Variants in TRAPPC8 observed in about 807,000 individuals in gnomAD.
TRAPPC8 encodes general sporulation gene 1 homolog.
In TRAPPC8, 54 loss-of-function variants were observed where a neutral mutation model predicts 174.3. The ratio of observed to expected loss-of-function variants is 0.31; its 90% confidence interval spans 0.25 to 0.39. The LOEUF (loss-of-function observed/expected upper bound fraction) is 0.39. Ranked by LOEUF, TRAPPC8 falls within the 10% of genes least tolerant of loss-of-function variation. The pLI is 1.00. For synonymous variants in TRAPPC8, 630 were observed against 579.9 expected, an observed-to-expected ratio of 1.09 and a Z score of -1.24; for missense variants, 1,531 against 1,699.1, an observed-to-expected ratio of 0.90 and a Z score of 1.74.
At chr18:31,915,707 A>G (rs2037109797) in intron 4 of TRAPPC8, among the ~76,000 whole-genome samples, 1 of 147,740 alleles carries the variant, frequency 6.8e-6, no homozygotes, top group Non-Finnish European at 1.5e-5. Flanking sequence ...CCATGGTGAA[A>G]CCCCGTCTCT....
intron 21 of TRAPPC8, among the ~76,000 whole-genome samples, chr18:31,855,051 A>C (rs1403825778): frequency 1.3e-5 from 2 of 151,702 alleles, no homozygotes; most frequent in African/African-American, 2.4e-5. Flanking sequence ...AATACAAAAA[A>C]ATGAGCCAGG....
At chr18:31,886,164 C>A (rs183893478) in intron 12 of TRAPPC8, among the ~76,000 whole-genome samples, 65 of 151,546 alleles carry the variant, frequency 4.3e-4, no homozygotes, top group African/African-American at 1.5e-3. Flanking sequence ...CGCCACCATG[C>A]CTGGCTAATT....
Position 31,830,966 on chromosome 18 carries a change from C to T in TRAPPC8, c.4097G>A (p.Gly1366Glu). ...TGTTTGTCCAAGCCATGTGAATGAT[C>T]CATGGATTTCCAGTGCTTCTGGACT... is the stretch of plus-strand genomic sequence containing the variant. ...TTSPEALEIH[G>E]SFTWLGQTQY... The change falls in exon 29 of 29, where the codon GGA becomes GAA. Residue 1366 changes from glycine to glutamate, a missense_variant. Gly to Glu is a moderately conservative substitution (Grantham distance 98). Transcript: ENST00000283351. The T allele has an allele frequency of 1.9e-6, 3 of 1,612,756 alleles. No individual in the cohort carries two copies. The highest frequency in any genetic ancestry group is 4.5e-5 in the East Asian group (2 of 44,848).
intron 12 of TRAPPC8, among the ~76,000 whole-genome samples, chr18:31,884,539 C>G (rs962503856): frequency 3.3e-5 from 5 of 152,310 alleles, no homozygotes; most frequent in South Asian, 4.1e-4. Flanking sequence ...TTTGAAATTA[C>G]TTATCACTGC....
In TRAPPC8 at chr18:31,931,368, T is replaced by A. The variant is rs755358532; in HGVS notation, c.313A>T (p.Asn105Tyr). 3 of 1,609,214 alleles carry A rather than the reference T, an allele frequency of 1.9e-6. No individual in the cohort carries two copies. The East Asian group carries it at 6.7e-5, about 36-fold the overall frequency. Residue 105 changes from asparagine to tyrosine, a missense_variant, in exon 2 of 29, where the codon AAT (asparagine) becomes TAT (tyrosine). Coordinates refer to ENST00000283351, the MANE Select transcript of TRAPPC8 (RefSeq NM_014939.5). ...TCATAATCTCCTGCTGTAATCACAT[T>A]AGCTACTAATCCTTCTGCAGGCTGA... is the stretch of plus-strand genomic sequence containing the variant. ...GSQPAEGLVA[N>Y]VITAGDYDLN... is the part of the protein sequence containing the mutation.
intron 12 of TRAPPC8, among the ~76,000 whole-genome samples, chr18:31,884,150 C>T (rs1453232774): frequency 6.6e-6 from 1 of 152,206 alleles, no homozygotes; most frequent in African/African-American, 2.4e-5. Flanking sequence ...GATGGAGCCA[C>T]TTCACTGTAG....
chr18:31,936,295 CA>C (rs35609965), intron 1 of TRAPPC8, among the ~76,000 whole-genome samples: 1 of 151,102 alleles, frequency 6.6e-6, no homozygotes, highest in Non-Finnish European at 1.5e-5. Flanking sequence ...CCCATCTCTA[CA>C]AAAAAAATTT....
At chr18:31,926,829 T>C (rs79651145) in intron 2 of TRAPPC8, among the ~76,000 whole-genome samples, 4,597 of 152,312 alleles carry the variant, frequency 0.03, 249 homozygotes, top group African/African-American at 0.1. Flanking sequence ...AGTCATATTA[T>C]AAGCAGTGAA....
chr18:31,924,408 C>G (rs1394439509), intron 2 of TRAPPC8, among the ~76,000 whole-genome samples: 4 of 150,598 alleles, frequency 2.7e-5, no homozygotes, highest in Admixed American at 2.0e-4. Flanking sequence ...GAGCCAAGAT[C>G]GCGCTAGTGC....
chr18:31,890,327 T>C (rs2035900577), intron 12 of TRAPPC8, among the ~76,000 whole-genome samples: 1 of 152,168 alleles, frequency 6.6e-6, no homozygotes, highest in Non-Finnish European at 1.5e-5. Context: ...TCAATAGCAT[T>C]ATAAAGCACT....
intron 26 of TRAPPC8, 114 bp from the exon 27 acceptor site, chr18:31,839,571 G>T: frequency 2.1e-6 from 2 of 934,174 alleles, no homozygotes; most frequent in Admixed American, 3.5e-5. Flanking sequence ...TGTAATGCAT[G>T]AACAGTACTT....
At chr18:31,914,802 C>G (rs2037062481) in intron 4 of TRAPPC8, among the ~76,000 whole-genome samples, 1 of 152,170 alleles carries the variant, frequency 6.6e-6, no homozygotes, top group Non-Finnish European at 1.5e-5. Context: ...TGCGTTTATC[C>G]TATTTTTCAA....
chr18:31,868,276 A>G (rs1423610651), intron 16 of TRAPPC8, among the ~76,000 whole-genome samples: 1 of 152,168 alleles, frequency 6.6e-6, no homozygotes, highest in Non-Finnish European at 1.5e-5. Flanking sequence ...AACTCCCTAC[A>G]TTCCAGTTCA....
chr18:31,890,880 AAAAGAG>A lies in TRAPPC8; in HGVS notation c.1597-20_1597-15del, dbSNP rs1318191675. The A allele has an allele frequency of 2.5e-6, 4 of 1,586,652 alleles. No individual in the cohort carries two copies. The Admixed American group carries it at 7.4e-5, about 30-fold the overall frequency. On this transcript the variant is annotated splice_polypyrimidine_tract_variant and intron_variant, in intron 11 of 28. Transcript: ENST00000283351. ...AAGATCAGAATCCTAGTGAATGTTTAAAAGAGAAAAAGGTTAGTTTCACCAAGTTAA... is the reference window on the plus strand; with the variant it reads ...AAGATCAGAATCCTAGTGAATGTTTAAAAAAGGTTAGTTTCACCAAGTTAA...
At chr18:31,877,369 T>G (rs905703886) in intron 12 of TRAPPC8, among the ~76,000 whole-genome samples, 1 of 151,760 alleles carries the variant, frequency 6.6e-6, no homozygotes, top group East Asian at 1.9e-4. Flanking sequence ...TCCCAGCACT[T>G]TGGGAGGCCG....
At chr18:31,933,690 C>T (rs2037953710) in intron 1 of TRAPPC8, among the ~76,000 whole-genome samples, 1 of 152,050 alleles carries the variant, frequency 6.6e-6, no homozygotes, top group Non-Finnish European at 1.5e-5. Context: ...ACATTCTTCT[C>T]AATGGAAAAT....
intron 20 of TRAPPC8, among the ~76,000 whole-genome samples, 185 bp from the exon 21 acceptor site, chr18:31,855,992 A>C (rs958749717): frequency 1.3e-5 from 2 of 152,164 alleles, no homozygotes; most frequent in Non-Finnish European, 2.9e-5. Context: ...TTTCTATCCA[A>C]TTTGGAAGGA....
intron 2 of TRAPPC8, among the ~76,000 whole-genome samples, chr18:31,924,552 G>A (rs568946598): frequency 8.6e-5 from 13 of 151,328 alleles, no homozygotes; most frequent in African/African-American, 3.2e-4. Flanking sequence ...CTTGAGTCCA[G>A]GAGTTCAAGA....
chr18:31,888,657 T>A (rs553785206), intron 12 of TRAPPC8, among the ~76,000 whole-genome samples: 2 of 152,130 alleles, frequency 1.3e-5, no homozygotes, highest in African/African-American at 2.4e-5. Flanking sequence ...CTCAGCAAAC[T>A]AACACAGGAA....
Sources: gnomAD v4.1 joint callset for allele counts (sites outside exome capture counted in the v4.1 genomes callset) on GRCh38, gnomAD v4.1.1 for gene constraint, MANE v1.5 for transcripts, NCBI Gene and HGNC (gene_info 2026-07-23, HGNC 2026-07-21) for gene names.